ZNF112: variants seen among roughly 807,000 people sequenced by gnomAD.
ZNF112 encodes zinc finger protein 112, also known as zinc finger protein 112 (Y14).
A neutral mutation model predicts 77.7 loss-of-function variants in ZNF112; 37 were observed. The ratio of observed to expected loss-of-function variants is 0.48; its 90% confidence interval spans 0.37 to 0.63. ZNF112 has a LOEUF of 0.63. ZNF112 is among the 20% of genes least tolerant of loss of function. The pLI is 0.00. For synonymous variants in ZNF112, 333 were observed against 363.6 expected, an observed-to-expected ratio of 0.92 and a Z score of 0.96; for missense variants, 950 against 1,077.4, an observed-to-expected ratio of 0.88 and a Z score of 1.66.
At chr19:44,331,688 G>A (rs1272646356) in intron 3 of ZNF112, among the ~76,000 whole-genome samples, 1 of 152,194 alleles carries the variant, frequency 6.6e-6, no homozygotes, top group Non-Finnish European at 1.5e-5. Context: ...ACTGTTTTGT[G>A]CACTGCATTC....
intron 1 of ZNF112, among the ~76,000 whole-genome samples, chr19:44,345,756 T>C (rs1970577341): frequency 6.6e-6 from 1 of 152,158 alleles, no homozygotes; most frequent in Non-Finnish European, 1.5e-5. Context: ...TCTGCAAATC[T>C]TCTCTCCCCT....
chr19:44,337,332 TATAC>T (rs1970389970), intron 2 of ZNF112, among the ~76,000 whole-genome samples: 2 of 104,614 alleles, frequency 1.9e-5, no homozygotes, highest in African/African-American at 7.9e-5. Context: ...ATAAAATATA[TATAC>T]ATTTTGTATA....
At chr19:44,354,374 T>A (rs1970747930) in intron 1 of ZNF112, among the ~76,000 whole-genome samples, 1 of 152,144 alleles carries the variant, frequency 6.6e-6, no homozygotes, top group African/African-American at 2.4e-5. Flanking sequence ...AAACATTTTT[T>A]AAAAACCTGT....
intron 2 of ZNF112, among the ~76,000 whole-genome samples, chr19:44,337,656 T>G (rs73555173): frequency 0.07 from 10,554 of 150,782 alleles, 482 homozygotes; most frequent in African/African-American, 0.12. Flanking sequence ...ATGAATGTTC[T>G]TCATTCCCCA....
intron 1 of ZNF112, among the ~76,000 whole-genome samples, chr19:44,344,600 T>A (rs1970553903): frequency 6.6e-6 from 1 of 152,122 alleles, no homozygotes; most frequent in Non-Finnish European, 1.5e-5. Flanking sequence ...ACTCATCCAA[T>A]ATTTATGGAT....
chr19:44,347,222 G>A lies in ZNF112; in HGVS notation c.-3-6680C>T, dbSNP rs556237737. Among the ~76,000 whole-genome samples the A allele has an allele frequency of 1.6e-4, 24 of 152,198 alleles. No individual in the cohort carries two copies. The South Asian group carries it at 2.1e-3, about 13-fold the overall frequency. ...ACTTTGATATTAATATAGCCACTCCGTAGTACAGCTCCTTTTCACTTTTTC... is the reference window on the plus strand; with the variant it reads ...ACTTTGATATTAATATAGCCACTCCATAGTACAGCTCCTTTTCACTTTTTC... On this transcript the variant is annotated intron_variant, in intron 1 of 3. Transcript: ENST00000354340.
intron 3 of ZNF112, among the ~76,000 whole-genome samples, chr19:44,331,071 C>T (rs187492513): frequency 4.8e-4 from 73 of 152,318 alleles, no homozygotes; most frequent in South Asian, 1.0e-3. Flanking sequence ...GAGACTAACG[C>T]GCTGCCAGCT....
upstream of ZNF112, among the ~76,000 whole-genome samples, chr19:44,357,736 T>C (rs10412079): frequency 0.067 from 10,214 of 152,172 alleles, 977 homozygotes; most frequent in African/African-American, 0.21. Flanking sequence ...GGGATAAGTC[T>C]CTTGTAAAAC....
Position 44,327,191 on chromosome 19 carries a change from C to T in ZNF112, c.*242G>A. On this transcript the variant is annotated 3_prime_UTR_variant, in exon 4 of 4. Coordinates refer to ENST00000354340, the MANE Select transcript of ZNF112 (RefSeq NM_013380.4). ...GGATTTAGGCATGCTCATCACTGTA[C>T]TTTTATTAAATTCCTGACCATACTC... 2.4e-6 allele frequency: 1 copy of T among 412,460 alleles called. No homozygotes were observed. Among genetic ancestry groups the T allele is most frequent in the Non-Finnish European group, 4.3e-6 (1 of 232,952 alleles). 25.6% of individuals were successfully genotyped at this position (412,460 alleles called of 1,614,324 possible). A position where few individuals can be genotyped will look rare whatever the true frequency, so the allele number is the denominator to read the frequency against.
Position 44,327,489 on chromosome 19 carries a change from T to C in ZNF112, c.2668A>G (p.Lys890Glu), listed in dbSNP as rs772542795. ...DKFYKSEDYG[K>E]DYPSSENLHR... ...AGATTCTCTGATGAAGGGTAGTCCT[T>C]ACCATAGTCTTCGCTTTTATAGAAT... The change falls in exon 4 of 4, where the codon AAG becomes GAG. Residue 890 changes from lysine to glutamate, a missense_variant. Physicochemically the swap from Lys to Glu is moderately conservative, Grantham distance 56. Around this residue, in one of 3 missense-constraint regions of ZNF112, gnomAD observed 373 missense variants for 482.8 expected, o/e 0.77. Transcript: ENST00000354340. The C allele has an allele frequency of 1.1e-5, 18 of 1,612,698 alleles. No homozygotes were observed. Among genetic ancestry groups the C allele is most frequent in the Non-Finnish European group, 1.5e-5 (18 of 1,179,404 alleles).
At chr19:44,346,561 C>A (rs1279849317) in intron 1 of ZNF112, among the ~76,000 whole-genome samples, 2 of 152,166 alleles carry the variant, frequency 1.3e-5, no homozygotes, top group Admixed American at 6.5e-5. Context: ...CAGCATCCCA[C>A]CAAAACTGAT....
chr19:44,362,697 AT>A (rs1464288072), intron 1 of ZNF112, among the ~76,000 whole-genome samples: 1 of 152,176 alleles, frequency 6.6e-6, no homozygotes, highest in South Asian at 2.1e-4. Context: ...AATATCATTT[AT>A]TTGAATAGGA....
intron 1 of ZNF112, chr19:44,343,253 C>A: frequency 6.2e-7 from 1 of 1,613,562 alleles, no homozygotes; most frequent in Non-Finnish European, 8.5e-7. Context: ...AACCAGCTCA[C>A]CTGGAATTTG....
chr19:44,363,320 C>T (rs1347200264), intron 1 of ZNF112, among the ~76,000 whole-genome samples: 5 of 152,088 alleles, frequency 3.3e-5, no homozygotes, highest in Admixed American at 6.5e-5. Flanking sequence ...ACAGTAGTCA[C>T]CCATATATTC....
chr19:44,336,790 G>T (rs1330200525), intron 2 of ZNF112, 72 bp from the exon 3 acceptor site: 1 of 1,219,798 alleles, frequency 8.2e-7, no homozygotes, highest in Non-Finnish European at 1.2e-6. Flanking sequence ...TAGACAAAAA[G>T]GTATACACAG....
At position 44,340,286 on chromosome 19, in the gene ZNF112, G is replaced by A. The variant is rs191287087; in HGVS notation, c.124+130C>T. On this transcript the variant is annotated intron_variant, in intron 2 of 3. Coordinates refer to ENST00000354340, the MANE Select transcript of ZNF112 (RefSeq NM_013380.4). ...CAGAAACATCTTGTCTGTGTTGCAC[G>A]GGGATTATTAGGACTCTCGGGCACC... 102 of 1,251,686 alleles carry A rather than the reference G, an allele frequency of 8.1e-5. No individual in the cohort carries two copies. The Admixed American group carries it at 1.6e-3, about 19-fold the overall frequency. The allele number at this position is 1,251,686 out of a possible 1,614,324, so 77.5% of individuals were successfully genotyped here. A position where few individuals can be genotyped will look rare whatever the true frequency, so the allele number is the denominator to read the frequency against.
At chr19:44,364,017 C>A (rs777557651) in intron 1 of ZNF112, among the ~76,000 whole-genome samples, 5 of 152,268 alleles carry the variant, frequency 3.3e-5, no homozygotes, top group Non-Finnish European at 7.4e-5. Flanking sequence ...TCAAGCGATC[C>A]TCCTGCCTCA....
At chr19:44,366,544 A>G (rs563330200) in intron 1 of ZNF112, among the ~76,000 whole-genome samples, 1 of 152,134 alleles carries the variant, frequency 6.6e-6, no homozygotes, top group Non-Finnish European at 1.5e-5. Context: ...TTCTTTCCTC[A>G]TTCCTGTGAC....
At chr19:44,334,883 C>T (rs979263030) in intron 3 of ZNF112, among the ~76,000 whole-genome samples, 29 of 152,374 alleles carry the variant, frequency 1.9e-4, no homozygotes, top group African/African-American at 7.0e-4. Context: ...TGGAGAACCT[C>T]TACTAGGTCA....
Sources: gnomAD v4.1 joint callset for allele counts (sites outside exome capture counted in the v4.1 genomes callset) on GRCh38, gnomAD v4.1.1 for gene constraint, gnomAD v4.1.1 regional missense constraint, MANE v1.5 for transcripts, NCBI Gene and HGNC (gene_info 2026-07-23, HGNC 2026-07-21) for gene names.